KCNAB1: variants seen among roughly 807,000 people sequenced by gnomAD.
The protein encoded by KCNAB1 is voltage-gated potassium channel subunit beta-1.
Under a neutral mutation model 64.6 loss-of-function variants are expected in KCNAB1, and 35 were observed. The observed-to-expected ratio is 0.54, with a 90% CI of 0.41 to 0.72. KCNAB1 has a LOEUF of 0.72. Ranked by LOEUF, KCNAB1 falls within the 30% of genes least tolerant of loss-of-function variation. The pLI is 0.00. For synonymous variants in KCNAB1, 177 were observed against 183.8 expected, an observed-to-expected ratio of 0.96 and a Z score of 0.30; for missense variants, 401 against 512.9, an observed-to-expected ratio of 0.78 and a Z score of 2.11.
At chr3:156,143,933 A>C (rs532172113) in intron 1 of KCNAB1, among the ~76,000 whole-genome samples, 35 of 142,036 alleles carry the variant, frequency 2.5e-4, no homozygotes, top group Non-Finnish European at 4.9e-4. Context: ...TTATTTATTT[A>C]TTTATTTTTT....
intron 1 of KCNAB1, among the ~76,000 whole-genome samples, chr3:156,288,383 A>T (rs760605025): frequency 5.3e-5 from 8 of 152,216 alleles, no homozygotes; most frequent in Non-Finnish European, 8.8e-5. Flanking sequence ...ACCCACATCT[A>T]TATCTATGTT....
At chr3:156,182,663 G>T (rs1358156653) in intron 1 of KCNAB1, among the ~76,000 whole-genome samples, 4 of 135,772 alleles carry the variant, frequency 2.9e-5, no homozygotes, top group Admixed American at 7.4e-5. Context: ...CTACCCAAAT[G>T]TCCCAACAAG....
At position 156,263,789 on chromosome 3, in the gene KCNAB1, A is replaced by G. The variant is rs150697792; in HGVS notation, c.275+142903A>G. ...CTAATACAATGTAAATGATATGTAA[A>G]TAGTTGCATTGTATTTTTATTGTTG... is the stretch of plus-strand genomic sequence containing the variant. On this transcript the variant is annotated intron_variant, in intron 1 of 13. Transcript: ENST00000490337. 4.2e-3 allele frequency among the ~76,000 whole-genome samples: 637 copies of G among 152,214 alleles called. 5 individuals are homozygous for G. Among genetic ancestry groups the G allele is most frequent in the African/African-American group, 0.014 (601 of 41,572 alleles).
At chr3:156,482,973 T>C (rs13092124) in intron 8 of KCNAB1, among the ~76,000 whole-genome samples, 66,464 of 151,946 alleles carry the variant, frequency 0.44, 14,826 homozygotes, top group South Asian at 0.53. Flanking sequence ...ATGAGTCACA[T>C]GGTTTATCAA....
intron 1 of KCNAB1, among the ~76,000 whole-genome samples, chr3:156,383,920 A>G (rs1712372050): frequency 6.6e-6 from 1 of 152,176 alleles, no homozygotes; most frequent in Non-Finnish European, 1.5e-5. Flanking sequence ...GGGATGCTAC[A>G]GTCTGTCACC....
rs576841533 is a variant in KCNAB1, at chr3:156,384,786, C to A, written c.276-36830C>A. 7.2e-5 allele frequency among the ~76,000 whole-genome samples: 11 copies of A among 152,260 alleles called. No homozygotes were observed. The South Asian group carries it at 2.3e-3, about 32-fold the overall frequency. On this transcript the variant is annotated intron_variant, in intron 1 of 13. Coordinates refer to ENST00000490337, the MANE Select transcript of KCNAB1 (RefSeq NM_172160.3). ...ATGAAGTTGGGTCCTCCTCAGAAAA[C>A]TTCCATTCTGTGAAAACTCCCTTGG...
intron 5 of KCNAB1, among the ~76,000 whole-genome samples, chr3:156,462,921 C>T (rs1444935107): frequency 1.3e-5 from 2 of 152,158 alleles, no homozygotes; most frequent in Non-Finnish European, 2.9e-5. Flanking sequence ...GCTAGGATTG[C>T]ATTTCCTGCC....
intron 8 of KCNAB1, among the ~76,000 whole-genome samples, chr3:156,479,112 A>G (rs1325053711): frequency 6.6e-6 from 1 of 152,064 alleles, no homozygotes; most frequent in African/African-American, 2.4e-5. Flanking sequence ...CTGCCATGCC[A>G]TCTGTCTCTG....
At position 156,537,980 on chromosome 3, in the gene KCNAB1, T is replaced by C. The variant is rs908603790; in HGVS notation, c.*1233T>C. The C allele has an allele frequency of 6.6e-6, 1 of 152,210 alleles. No homozygotes were observed. Among genetic ancestry groups the C allele is most frequent in the Non-Finnish European group, 1.5e-5 (1 of 68,036 alleles). 9.4% of individuals were successfully genotyped at this position (152,210 alleles called of 1,614,324 possible). On this transcript the variant is annotated 3_prime_UTR_variant, in exon 14 of 14. Transcript: ENST00000490337. ...TATTATATGCACTAAACTATATGCA[T>C]GAAAGTTCTTTGCATGGATTAATGG...
rs1002981463 is a variant in KCNAB1, at chr3:156,259,543, G to C, written c.275+138657G>C. ...AGGGCTGGGAGAAACAAACACTCCT[G>C]AACTTGCTGTTTCAAGGTAACCCAT... On this transcript the variant is annotated intron_variant, in intron 1 of 13. Coordinates refer to ENST00000490337, the MANE Select transcript of KCNAB1 (RefSeq NM_172160.3). Among the ~76,000 whole-genome samples the C allele has an allele frequency of 5.2e-4, 78 of 151,272 alleles. 1 individual carries two copies. The highest frequency in any genetic ancestry group is 1.5e-4 in the Non-Finnish European group (10 of 67,412).
intron 1 of KCNAB1, among the ~76,000 whole-genome samples, chr3:156,201,231 G>C (rs35935941): frequency 0.14 from 20,766 of 152,194 alleles, 1,558 homozygotes; most frequent in Non-Finnish European, 0.16. Context: ...GGTCTTGCTG[G>C]GAGCTGCAGA....
At chr3:156,203,027 G>A (rs6441050) in intron 1 of KCNAB1, among the ~76,000 whole-genome samples, 86,768 of 151,952 alleles carry the variant, frequency 0.57, 25,431 homozygotes, top group East Asian at 0.9. Context: ...ACAAGTTTTG[G>A]TATTAGTGGT....
intron 1 of KCNAB1, among the ~76,000 whole-genome samples, chr3:156,123,129 T>C (rs1014478339): frequency 6.6e-6 from 1 of 152,188 alleles, no homozygotes; most frequent in African/African-American, 2.4e-5. Context: ...ATGAGTGATA[T>C]CTCCATTAGA....
chr3:156,384,657 G>A (rs896140366), intron 1 of KCNAB1, among the ~76,000 whole-genome samples: 3 of 152,200 alleles, frequency 2.0e-5, no homozygotes, highest in African/African-American at 7.2e-5. Context: ...CAGTCATTAG[G>A]TGCCAGGGAA....
chr3:156,425,770 CA>C (rs1419160966), intron 2 of KCNAB1, among the ~76,000 whole-genome samples: 1 of 151,862 alleles, frequency 6.6e-6, no homozygotes, highest in African/African-American at 2.4e-5. Context: ...GTTAGGCTTG[CA>C]AAAAAACAAA....
chr3:156,448,440 G>T (rs1159221041), intron 2 of KCNAB1, among the ~76,000 whole-genome samples: 10 of 152,166 alleles, frequency 6.6e-5, no homozygotes, highest in Admixed American at 6.5e-4. Flanking sequence ...TAGAAACAGA[G>T]TTCTTCTGTC....
At chr3:156,144,348 G>A (rs1473403135) in intron 1 of KCNAB1, among the ~76,000 whole-genome samples, 1 of 152,204 alleles carries the variant, frequency 6.6e-6, no homozygotes, top group Non-Finnish European at 1.5e-5. Context: ...CTATTTCAGT[G>A]TAGTAGCTGC....
intron 1 of KCNAB1, among the ~76,000 whole-genome samples, chr3:156,165,748 G>A (rs540541492): frequency 4.6e-5 from 7 of 152,108 alleles, no homozygotes; most frequent in South Asian, 4.2e-4. Flanking sequence ...TCTGTATTGC[G>A]GCTTTATTCC....
intron 1 of KCNAB1, among the ~76,000 whole-genome samples, chr3:156,277,410 G>A (rs1719406353): frequency 6.6e-6 from 1 of 152,070 alleles, no homozygotes; most frequent in African/African-American, 2.4e-5. Context: ...CTCCATGCAG[G>A]GTTGTTCACA....
Sources: allele counts gnomAD v4.1 joint callset (sites outside exome capture counted in the v4.1 genomes callset), GRCh38; gene constraint gnomAD v4.1.1; transcripts MANE v1.5; gene names NCBI Gene and HGNC (gene_info 2026-07-23, HGNC 2026-07-21).